APOL1: variants seen among roughly 807,000 people sequenced by gnomAD.
APOL1 encodes apolipoprotein L1, also known as apolipoprotein L 1.
Under a neutral mutation model 14.9 loss-of-function variants are expected in APOL1, and 17 were observed. That is an observed-to-expected ratio of 1.14 (90% CI 0.78 to 1.71). The LOEUF is 1.71. Among genes scored for constraint, APOL1 ranks in the 40% most tolerant of loss-of-function variants. The pLI is 0.00. For missense variants in APOL1, 523 were observed against 485.9 expected (o/e 1.08, Z -0.72); for synonymous variants, 195 against 184.8 (o/e 1.05, Z -0.45).
chr22:36,265,566 G>T lies in APOL1; in HGVS notation c.730G>T (p.Val244Phe), dbSNP rs771257687. 1 of 1,601,420 alleles carries T rather than the reference G, an allele frequency of 6.2e-7. No homozygotes were observed. Among genetic ancestry groups the T allele is most frequent in the Non-Finnish European group, 8.5e-7 (1 of 1,173,774 alleles). The change falls in exon 6 of 6, where the codon GTC becomes TTC. Residue 244 changes from valine to phenylalanine, a missense_variant. Val to Phe is a conservative substitution (Grantham distance 50, BLOSUM62 -1). Coordinates refer to ENST00000397278, the MANE Select transcript of APOL1 (RefSeq NM_003661.4). ...WWTQAQAHDL[V>F]IKSLDKLKEV... ...GACACAAGCCCAAGCCCACGACCTG[G>T]TCATCAAAAGCCTTGACAAATTGAA...
Position 36,255,016 on chromosome 22 carries a change from G to T in APOL1, c.44+17G>T. 6.2e-7 allele frequency: 1 copy of T among 1,610,444 alleles called. No individual in the cohort carries two copies. The highest frequency in any genetic ancestry group is 8.5e-7 in the Non-Finnish European group (1 of 1,176,664). The stretch of plus-strand genomic sequence containing the variant: ...CTGCATCTGGTGAGCTTGGCTCAGA[G>T]CCCTGAGGCGGGAGGGAGGGCTCCC... On this transcript the variant is annotated intron_variant, in intron 2 of 5. Coordinates refer to ENST00000397278, the MANE Select transcript of APOL1 (RefSeq NM_003661.4).
intron 4 of APOL1, among the ~76,000 whole-genome samples, chr22:36,258,286 T>G (rs896200398): frequency 1.3e-5 from 2 of 152,142 alleles, no homozygotes; most frequent in African/African-American, 4.8e-5. Context: ...TGAGGCCCAA[T>G]AGAATTTTAA....
Position 36,254,544 on chromosome 22 carries a change from G to A in APOL1, c.-19-393G>A, listed in dbSNP as rs569794694. Among the ~76,000 whole-genome samples the A allele has an allele frequency of 1.1e-3, 175 of 152,232 alleles. 1 individual carries two copies. The highest frequency in any genetic ancestry group is 3.4e-3 in the Middle Eastern group (1 of 294). ...ATGGTGTCAAAGCCCTGCAGCCTGG[G>A]TGACAGAGCAAAACTGTTTATTAAA... On this transcript the variant is annotated intron_variant, in intron 1 of 5. Coordinates refer to ENST00000397278, the MANE Select transcript of APOL1 (RefSeq NM_003661.4).
chr22:36,259,366 A>G (rs761100557), intron 4 of APOL1, among the ~76,000 whole-genome samples: 5 of 152,174 alleles, frequency 3.3e-5, no homozygotes, highest in Non-Finnish European at 7.3e-5. Context: ...AGAAGGAAAA[A>G]GAAAAAACAA....
intron 5 of APOL1, among the ~76,000 whole-genome samples, chr22:36,262,571 T>C (rs971597964): frequency 6.6e-6 from 1 of 151,956 alleles, no homozygotes; most frequent in African/African-American, 2.4e-5. Context: ...TCAGCCTTGG[T>C]TGTAGGACAA....
In APOL1 at chr22:36,262,764, A is replaced by C. The variant is rs185396359; in HGVS notation, c.314+1042A>C. On this transcript the variant is annotated intron_variant, in intron 5 of 5. Transcript: ENST00000397278. ...GGTCATGGTTGCCTGTGTCTCTCAC[A>C]CCACGCCTTGGAACTGGCAAGTTCT... Among the ~76,000 whole-genome samples, 3 of 152,266 alleles carry C rather than the reference A, an allele frequency of 2.0e-5. No individual in the cohort carries two copies. The East Asian group carries it at 5.8e-4, about 29-fold the overall frequency.
chr22:36,266,498 A>G lies in APOL1; in HGVS notation c.*465A>G, dbSNP rs546529559. 3.5e-5 allele frequency: 14 copies of G among 401,692 alleles called. No individual in the cohort carries two copies. The South Asian group carries it at 1.7e-3, about 50-fold the overall frequency. The allele number at this position is 401,692 out of a possible 1,614,324, so 24.9% of individuals were successfully genotyped here. A position where few individuals can be genotyped will look rare whatever the true frequency, so the allele number is the denominator to read the frequency against. On this transcript the variant is annotated 3_prime_UTR_variant, in exon 6 of 6. Coordinates refer to ENST00000397278, the MANE Select transcript of APOL1 (RefSeq NM_003661.4). ...GCTGAGCACAGCAGGGGAGGGGTTA[A>G]TGCAGATGGCAGTGCAGCAAGGAGA... is the stretch of plus-strand genomic sequence containing the variant.
At chr22:36,254,209 T>G (rs939960320) in intron 1 of APOL1, among the ~76,000 whole-genome samples, 2 of 152,114 alleles carry the variant, frequency 1.3e-5, no homozygotes, top group African/African-American at 2.4e-5. Flanking sequence ...AAAAACCTGA[T>G]AGAGCTGCCA....
intron 5 of APOL1, among the ~76,000 whole-genome samples, chr22:36,263,858 C>A (rs1453440615): frequency 6.6e-6 from 1 of 152,126 alleles, no homozygotes; most frequent in Non-Finnish European, 1.5e-5. Context: ...TAGGAGACAC[C>A]AGAGTGGGGG....
intron 4 of APOL1, among the ~76,000 whole-genome samples, chr22:36,259,064 A>G (rs1191962697): frequency 1.3e-5 from 2 of 152,118 alleles, no homozygotes; most frequent in African/African-American, 4.8e-5. Context: ...GTGACCTCCC[A>G]GTATCCACAT....
At chr22:36,253,307 G>C in intron 1 of APOL1, 88 bp downstream of exon 1, 1 of 274,238 alleles carries the variant, frequency 3.6e-6, no homozygotes, top group Non-Finnish European at 7.3e-6. Context: ...GGTTCAGATA[G>C]ACAGGAAAGT....
rs368925197 is a variant in APOL1 at position 36,266,553 on chromosome 22, G to T, written c.*520G>T. 3 of 399,464 alleles carry T rather than the reference G, an allele frequency of 7.5e-6. No homozygotes were observed. The South Asian group carries it at 3.8e-4, about 51-fold the overall frequency. 24.7% of individuals were successfully genotyped at this position (399,464 alleles called of 1,614,324 possible). Reference sequence around the variant, plus strand: ...AGGAACATTGGAGCCTGCAATAAGGGAAAAATGGGAACTGGAGAGTGTGGG... The same window carrying T: ...AGGAACATTGGAGCCTGCAATAAGGTAAAAATGGGAACTGGAGAGTGTGGG... On this transcript the variant is annotated 3_prime_UTR_variant, in exon 6 of 6. Transcript: ENST00000397278.
At chr22:36,253,799 C>T (rs2015767768) in intron 1 of APOL1, 2 of 763,304 alleles carry the variant, frequency 2.6e-6, no homozygotes, top group Non-Finnish European at 4.4e-6. Context: ...GATCATAGGA[C>T]TCCACGTCTC....
intron 2 of APOL1, among the ~76,000 whole-genome samples, chr22:36,256,474 A>G (rs1182450199): frequency 6.6e-6 from 1 of 152,254 alleles, no homozygotes; most frequent in East Asian, 1.9e-4. Context: ...CTAGGGAAAG[A>G]CAGCAGAGGG....
intron 5 of APOL1, among the ~76,000 whole-genome samples, chr22:36,264,398 C>T (rs2016166874): frequency 6.6e-6 from 1 of 152,198 alleles, no homozygotes; most frequent in African/African-American, 2.4e-5. Flanking sequence ...GAGATCACTT[C>T]CCAGGAGCTG....
At chr22:36,260,977 T>C (rs136159) in intron 4 of APOL1, among the ~76,000 whole-genome samples, 129,800 of 152,240 alleles carry the variant, frequency 0.85, 55,728 homozygotes, top group African/African-American at 0.95. Flanking sequence ...CCAACAGGCA[T>C]GTGGCAGATG....
In APOL1 at chr22:36,265,170, C is replaced by T. The variant is rs146078613; in HGVS notation, c.334C>T (p.Arg112Cys). ...GTGCAGGAATGAGGCAGATGAGCTC[C>T]GTAAAGCTCTGGACAACCTTGCAAG... ...ELPRNEADEL[R>C]KALDNLARQM... Residue 112 changes from arginine (R) to cysteine (C), a missense_variant, in exon 6 of 6, where the codon CGT becomes TGT. Transcript: ENST00000397278. 33 of 1,614,082 alleles carry T rather than the reference C, an allele frequency of 2.0e-5. No homozygotes were observed. The highest frequency in any genetic ancestry group is 4.4e-5 in the South Asian group (4 of 91,072).
intron 4 of APOL1, among the ~76,000 whole-genome samples, chr22:36,261,250 T>C (rs1424200620): frequency 6.6e-6 from 1 of 152,254 alleles, no homozygotes; most frequent in East Asian, 1.9e-4. Context: ...TGCTGGCTTA[T>C]GGAAGCTGCC....
At chr22:36,258,074 CA>C (rs554282117) in intron 4 of APOL1, among the ~76,000 whole-genome samples, 446 of 152,326 alleles carry the variant, frequency 2.9e-3, no homozygotes, top group Non-Finnish European at 5.2e-3. Flanking sequence ...GCCTGCCACA[CA>C]ATAGGGCCTC....
Sources: gnomAD v4.1 joint callset for allele counts (sites outside exome capture counted in the v4.1 genomes callset) on GRCh38, gnomAD v4.1.1 for gene constraint, MANE v1.5 for transcripts, NCBI Gene and HGNC (gene_info 2026-07-23, HGNC 2026-07-21) for gene names.